RABGAP1: variants seen among roughly 807,000 people sequenced by gnomAD.
RABGAP1 encodes RAB GTPase activating protein 1.
RABGAP1 carries 23 observed loss-of-function variants against 137.6 expected under a neutral mutation model. The observed-to-expected ratio is 0.17, with a 90% confidence interval of 0.12 to 0.24. The LOEUF (loss-of-function observed/expected upper bound fraction) is 0.24. RABGAP1 is among the 10% of genes least tolerant of loss of function. The probability of loss-of-function intolerance (pLI) is 1.00; values close to 1 mark genes in which losing one functional copy is unlikely to be tolerated. For missense variants in RABGAP1, 906 were observed against 1,275.8 expected (o/e 0.71, Z 4.42); for synonymous variants, 451 against 450.7 (o/e 1.00, Z -0.01).
chr9:123,050,163 T>C (rs2033392169), intron 13 of RABGAP1, among the ~76,000 whole-genome samples: 1 of 152,216 alleles, frequency 6.6e-6, no homozygotes, highest in Admixed American at 6.5e-5. Flanking sequence ...TGTTCATGGG[T>C]ATCTAATTCC....
intron 2 of RABGAP1, among the ~76,000 whole-genome samples, chr9:122,959,017 A>G (rs1834697471): frequency 6.6e-6 from 1 of 152,160 alleles, no homozygotes; most frequent in Non-Finnish European, 1.5e-5. Context: ...TCAAAAAAGA[A>G]AAAACCCTTA....
At chr9:123,094,313 A>C (rs971525775) in intron 21 of RABGAP1, among the ~76,000 whole-genome samples, 2 of 152,154 alleles carry the variant, frequency 1.3e-5, no homozygotes, top group Non-Finnish European at 2.9e-5. Flanking sequence ...GGTTCTGGAC[A>C]TTAGCTGTAG....
chr9:123,033,138 C>G (rs186805367), intron 13 of RABGAP1, among the ~76,000 whole-genome samples: 109 of 152,222 alleles, frequency 7.2e-4, no homozygotes, highest in Admixed American at 2.9e-3. Flanking sequence ...TCATGAGAGA[C>G]AAAATTAATG....
chr9:123,020,005 G>A (rs2031514909), intron 12 of RABGAP1, among the ~76,000 whole-genome samples: 1 of 150,882 alleles, frequency 6.6e-6, no homozygotes, highest in Admixed American at 6.6e-5. Flanking sequence ...ATAAACCATA[G>A]CCATAGAGCT....
intron 2 of RABGAP1, among the ~76,000 whole-genome samples, chr9:122,970,846 A>G (rs1835431419): frequency 6.6e-6 from 1 of 152,212 alleles, no homozygotes; most frequent in African/African-American, 2.4e-5. Context: ...TTCCATTATA[A>G]AATAATTAGG....
chr9:123,084,610 T>C (rs1024666872), intron 19 of RABGAP1, among the ~76,000 whole-genome samples: 1 of 152,212 alleles, frequency 6.6e-6, no homozygotes, highest in African/African-American at 2.4e-5. Context: ...CTGTGTTAAA[T>C]TGACTTTGTT....
At position 123,048,321 on chromosome 9, in the gene RABGAP1, A is replaced by G. The variant is rs576224053; in HGVS notation, c.1795-17027A>G. ...ATTTCAGAAGAGAAGCTAACTTTGT[A>G]AAGTAAAACTGAGTATTTGTTAGCA... On this transcript the variant is annotated intron_variant, in intron 13 of 25. Coordinates refer to ENST00000373647, the MANE Select transcript of RABGAP1 (RefSeq NM_012197.4). 2.0e-5 allele frequency among the ~76,000 whole-genome samples: 3 copies of G among 152,326 alleles called. No homozygotes were observed. In the South Asian group the frequency reaches 6.2e-4, roughly 32 times the overall value.
chr9:122,993,657 G>A (rs997119542), intron 6 of RABGAP1, among the ~76,000 whole-genome samples: 1 of 152,126 alleles, frequency 6.6e-6, no homozygotes, highest in Admixed American at 6.6e-5. Flanking sequence ...TGTTGAGACA[G>A]GGTCTCACAC....
chr9:123,035,195 C>T (rs780019365), intron 13 of RABGAP1: 1 of 1,614,128 alleles, frequency 6.2e-7, no homozygotes, highest in Non-Finnish European at 8.5e-7. Flanking sequence ...GTCTGCTTCA[C>T]CTATTTCAAC....
At chr9:122,954,726 A>C (rs929968123) in intron 1 of RABGAP1, among the ~76,000 whole-genome samples, 1 of 152,240 alleles carries the variant, frequency 6.6e-6, no homozygotes, top group African/African-American at 2.4e-5. Context: ...TCCTTTACCC[A>C]ATACTGAGTG....
intron 2 of RABGAP1, among the ~76,000 whole-genome samples, chr9:122,958,970 C>T (rs986200097): frequency 6.6e-6 from 1 of 152,142 alleles, no homozygotes; most frequent in African/African-American, 2.4e-5. Context: ...GATCACACCA[C>T]TGTACTTCAG....
At chr9:123,082,382 G>GATTATTCTAGAAGATCATTT (rs1403742830) in intron 19 of RABGAP1, among the ~76,000 whole-genome samples, 1 of 152,134 alleles carries the variant, frequency 6.6e-6, no homozygotes, top group Non-Finnish European at 1.5e-5. Flanking sequence ...ATTCTAAATA[G>GATTATTCTAGAAGATCATTT]ATTATTCTAG....
chr9:123,099,995 T>A (rs555033969), intron 24 of RABGAP1, among the ~76,000 whole-genome samples: 112 of 152,288 alleles, frequency 7.4e-4, no homozygotes, highest in African/African-American at 2.5e-3. Flanking sequence ...ATTTTTATTT[T>A]TTTTTATTTT....
chr9:122,989,267 T>C, intron 4 of RABGAP1, 30 bp from the exon 5 acceptor site: 1 of 1,576,066 alleles, frequency 6.3e-7, no homozygotes, highest in Non-Finnish European at 8.7e-7. Context: ...ATAATTCCTG[T>C]AATCTCTCTG....
chr9:123,044,733 CA>C (rs1461333678), intron 13 of RABGAP1, among the ~76,000 whole-genome samples: 1 of 151,776 alleles, frequency 6.6e-6, no homozygotes, highest in East Asian at 1.9e-4. Flanking sequence ...GAGAGGAATG[CA>C]AAATGCCATG....
intron 15 of RABGAP1, among the ~76,000 whole-genome samples, chr9:123,071,109 C>T (rs984650698): frequency 6.6e-6 from 1 of 152,196 alleles, no homozygotes. Context: ...GCACAGAATT[C>T]TGTATCATAA....
At chr9:123,090,229 C>T (rs762547878) in intron 20 of RABGAP1, 46 bp from the exon 21 acceptor site, 8 of 1,441,294 alleles carry the variant, frequency 5.6e-6, no homozygotes, top group African/African-American at 4.3e-5. Flanking sequence ...TTTTCATTTC[C>T]ATCTGATTTT....
chr9:122,975,244 T>C (rs618746), intron 2 of RABGAP1, among the ~76,000 whole-genome samples: 95,087 of 152,154 alleles, frequency 0.62, 36,833 homozygotes, highest in Non-Finnish European at 0.86. Context: ...GGCCTAAATA[T>C]CCTTCAGAAA....
intron 1 of RABGAP1, among the ~76,000 whole-genome samples, chr9:122,951,530 C>G (rs975281431): frequency 6.6e-6 from 1 of 151,872 alleles, no homozygotes; most frequent in Non-Finnish European, 1.5e-5. Context: ...CCATTTCACT[C>G]TGTTAACTAC....
Sources: allele counts gnomAD v4.1 joint callset (sites outside exome capture counted in the v4.1 genomes callset), GRCh38; gene constraint gnomAD v4.1.1; transcripts MANE v1.5; gene names NCBI Gene and HGNC (gene_info 2026-07-23, HGNC 2026-07-21).